COL19A1: variants seen among roughly 807,000 people sequenced by gnomAD.
COL19A1 encodes the protein collagen type XIX alpha 1 chain.
In COL19A1, 159 loss-of-function variants were observed where a neutral mutation model predicts 190.2. The ratio of observed to expected loss-of-function variants is 0.84; its 90% CI spans 0.73 to 0.95. COL19A1 has a LOEUF of 0.95. COL19A1 is among the 40% of genes least tolerant of loss of function. The pLI is 0.00. For synonymous variants in COL19A1, 509 were observed against 458.9 expected, an observed-to-expected ratio of 1.11 and a Z score of -1.39; for missense variants, 1,418 against 1,431.9, an observed-to-expected ratio of 0.99 and a Z score of 0.16.
At chr6:69,948,290 G>A (rs1050921903) in intron 9 of COL19A1, among the ~76,000 whole-genome samples, 9 of 151,746 alleles carry the variant, frequency 5.9e-5, no homozygotes, top group Admixed American at 1.3e-4. Flanking sequence ...TGAGACTTAC[G>A]TACATTTACA....
At chr6:70,160,078 G>A (rs1350424740) in intron 34 of COL19A1, among the ~76,000 whole-genome samples, 2 of 152,066 alleles carry the variant, frequency 1.3e-5, no homozygotes, top group Admixed American at 6.6e-5. Context: ...CAATAGTAAT[G>A]TCATGGTCCA....
At chr6:70,092,934 A>T (rs1783021036) in intron 15 of COL19A1, among the ~76,000 whole-genome samples, 1 of 152,150 alleles carries the variant, frequency 6.6e-6, no homozygotes, top group African/African-American at 2.4e-5. Flanking sequence ...TTAGCCTCTG[A>T]CCTGTCTGAA....
chr6:70,135,159 G>T (rs1040932380), intron 18 of COL19A1, among the ~76,000 whole-genome samples: 3 of 152,174 alleles, frequency 2.0e-5, no homozygotes, highest in Non-Finnish European at 4.4e-5. Context: ...GTGGGAAGGG[G>T]TGCCAAGGTT....
chr6:70,125,566 C>T (rs989442229), intron 17 of COL19A1, among the ~76,000 whole-genome samples: 3 of 147,578 alleles, frequency 2.0e-5, no homozygotes, highest in Non-Finnish European at 4.5e-5. Flanking sequence ...AGCACAAATC[C>T]AAAAAGGGAT....
At chr6:70,152,525 T>C (rs895605578) in intron 31 of COL19A1, among the ~76,000 whole-genome samples, 5 of 152,128 alleles carry the variant, frequency 3.3e-5, no homozygotes, top group Admixed American at 3.3e-4. Context: ...GAAGAATATT[T>C]GTGGGGATTT....
chr6:70,050,883 A>G (rs1289236688), intron 14 of COL19A1, among the ~76,000 whole-genome samples: 1 of 152,158 alleles, frequency 6.6e-6, no homozygotes, highest in Non-Finnish European at 1.5e-5. Context: ...CAAAAGCTTT[A>G]TATAGCTTAA....
intron 17 of COL19A1, among the ~76,000 whole-genome samples, chr6:70,123,416 T>C (rs1322556971): frequency 2.6e-5 from 4 of 151,774 alleles, no homozygotes; most frequent in Admixed American, 2.6e-4. Flanking sequence ...CTCAGGGATC[T>C]AGAACTAGAA....
intron 2 of COL19A1, among the ~76,000 whole-genome samples, chr6:69,892,897 A>G (rs1012441374): frequency 6.6e-6 from 1 of 152,248 alleles, no homozygotes; most frequent in Non-Finnish European, 1.5e-5. Context: ...CACAAAAGAA[A>G]AATGGATTCT....
intron 15 of COL19A1, among the ~76,000 whole-genome samples, chr6:70,072,324 C>A (rs1477573666): frequency 5.3e-5 from 8 of 152,092 alleles, no homozygotes; most frequent in Non-Finnish European, 1.2e-4. Context: ...TCTGAATAAT[C>A]TCAAGGTTAG....
intron 9 of COL19A1, among the ~76,000 whole-genome samples, chr6:69,949,780 T>C (rs3805968): frequency 0.085 from 12,929 of 151,894 alleles, 650 homozygotes; most frequent in East Asian, 0.2. Flanking sequence ...GCAGTTATAA[T>C]TCTTTGTTTT....
At position 69,929,155 on chromosome 6, in the gene COL19A1, T is replaced by TACAC. The variant is rs141935825; in HGVS notation, c.391-247_391-244dup. ...GGTTTATATAAACATTTAAAATAACTACACACACACACACACACACACACA... is the reference window on the plus strand; with the variant it reads ...GGTTTATATAAACATTTAAAATAACTACACACACACACACACACACACACACACA... On this transcript the variant is annotated intron_variant, in intron 5 of 50. Coordinates refer to ENST00000620364, the MANE Select transcript of COL19A1 (RefSeq NM_001858.6). Among the ~76,000 whole-genome samples, 1,341 of 148,654 alleles carry TACAC rather than the reference T, an allele frequency of 9.0e-3. 20 individuals are homozygous for TACAC. The highest frequency in any genetic ancestry group is 0.029 in the African/African-American group (1,173 of 40,620).
At position 70,199,668 on chromosome 6, in the gene COL19A1, C is replaced by G; in HGVS notation, c.3155C>G (p.Ala1052Gly). The change falls in exon 49 of 51, where the codon GCT becomes GGT. Residue 1052 changes from alanine to glycine, a missense_variant. Ala to Gly is a moderately conservative substitution (Grantham distance 60). Coordinates refer to ENST00000620364, the MANE Select transcript of COL19A1 (RefSeq NM_001858.6). ...CCAGCAGCAATGTTGGCTGCCCAAG[C>G]TTATGGGAGACCTGGGCCACCAGGG... ...KLPAAMLAAQ[A>G]YGRPGPPGKD... 1 of 1,609,950 alleles carries G rather than the reference C, an allele frequency of 6.2e-7. No individual in the cohort carries two copies. Among genetic ancestry groups the G allele is most frequent in the East Asian group, 2.2e-5 (1 of 44,714 alleles).
chr6:70,166,152 C>G, intron 37 of COL19A1, 167 bp downstream of exon 37: 1 of 658,718 alleles, frequency 1.5e-6, no homozygotes. Flanking sequence ...GATTTGTTCT[C>G]CTTTTGGTTC....
chr6:69,929,878 T>C (rs1007377471), intron 6 of COL19A1, among the ~76,000 whole-genome samples, 178 bp downstream of exon 6: 6 of 152,216 alleles, frequency 3.9e-5, no homozygotes, highest in Non-Finnish European at 8.8e-5. Context: ...AATTGTATTT[T>C]CACATGTATT....
At chr6:70,055,796 A>AT (rs200671297) in intron 14 of COL19A1, among the ~76,000 whole-genome samples, 8,346 of 150,464 alleles carry the variant, frequency 0.055, 588 homozygotes, top group East Asian at 0.19. Context: ...AAAAAAAAAA[A>AT]AAAAAAAAAT....
chr6:70,140,874 C>CTA, intron 19 of COL19A1, 80 bp from the exon 20 acceptor site: 1 of 1,353,008 alleles, frequency 7.4e-7, no homozygotes, highest in Non-Finnish European at 1.1e-6. Context: ...TGAGTTTGGC[C>CTA]TATAGGGTTT....
chr6:70,066,514 G>C (rs895229294), intron 14 of COL19A1, among the ~76,000 whole-genome samples: 5 of 152,008 alleles, frequency 3.3e-5, no homozygotes, highest in African/African-American at 9.7e-5. Context: ...GAGTTAATGG[G>C]TGCAGCACAC....
chr6:69,928,115 G>T lies in COL19A1; in HGVS notation c.390+83G>T, dbSNP rs567553905. ...ATTATTTGAACTGGTGCACAAATTT[G>T]CGAGTAGATCTAGTATCCAAATGTT... On this transcript the variant is annotated intron_variant, in intron 5 of 50. Transcript: ENST00000620364. 22 of 1,547,458 alleles carry T rather than the reference G, an allele frequency of 1.4e-5. No individual in the cohort carries two copies. The East Asian group carries it at 4.6e-4, about 32-fold the overall frequency.
intron 14 of COL19A1, among the ~76,000 whole-genome samples, chr6:70,061,765 C>A (rs763782369): frequency 2.4e-4 from 37 of 151,964 alleles, no homozygotes; most frequent in Non-Finnish European, 4.3e-4. Context: ...ATTAGTTTGA[C>A]TATTCATGAA....
Sources: allele counts gnomAD v4.1 joint callset (sites outside exome capture counted in the v4.1 genomes callset), GRCh38; gene constraint gnomAD v4.1.1; transcripts MANE v1.5; gene names NCBI Gene and HGNC (gene_info 2026-07-23, HGNC 2026-07-21).